The following NPR3 variants were observed in gnomAD, a reference collection of about 807,000 sequenced individuals.
NPR3 encodes natriuretic peptide receptor 3, also known as atrial natriuretic peptide receptor 3.
In NPR3, 34 loss-of-function variants were observed where a neutral mutation model predicts 54.5. The ratio of observed to expected loss-of-function variants is 0.62; its 90% CI spans 0.47 to 0.83. NPR3 has a LOEUF of 0.83. NPR3 is among the 40% of genes least tolerant of loss of function. The pLI is 0.00. For synonymous variants in NPR3, 289 were observed against 297.1 expected, an observed-to-expected ratio of 0.97 and a Z score of 0.28; for missense variants, 674 against 720.8, an observed-to-expected ratio of 0.94 and a Z score of 0.74.
intron 3 of NPR3, among the ~76,000 whole-genome samples, chr5:32,752,141 T>C (rs1740609599): frequency 6.6e-6 from 1 of 151,944 alleles, no homozygotes; most frequent in Non-Finnish European, 1.5e-5. Context: ...GAGGTGGAGG[T>C]TGCAGTGAGC....
chr5:32,776,609 GA>G (rs779951544), intron 4 of NPR3, among the ~76,000 whole-genome samples: 6 of 152,240 alleles, frequency 3.9e-5, no homozygotes, highest in Non-Finnish European at 7.3e-5. Context: ...ACTCAATATG[GA>G]AGTGATCTCA....
chr5:32,718,751 G>A (rs1212747566), intron 1 of NPR3, among the ~76,000 whole-genome samples: 2 of 152,186 alleles, frequency 1.3e-5, no homozygotes, highest in African/African-American at 2.4e-5. Flanking sequence ...ATTTTGGGCT[G>A]AGACAATGGG....
chr5:32,740,174 C>A (rs1387505876), intron 3 of NPR3, among the ~76,000 whole-genome samples: 2 of 152,236 alleles, frequency 1.3e-5, no homozygotes, highest in East Asian at 1.9e-4. Flanking sequence ...ACTTGAGGTA[C>A]CACAGAGTAC....
At chr5:32,762,732 C>A (rs1741243344) in intron 3 of NPR3, among the ~76,000 whole-genome samples, 1 of 151,988 alleles carries the variant, frequency 6.6e-6, no homozygotes, top group African/African-American at 2.4e-5. Flanking sequence ...TGAATATTAG[C>A]CCTTTGTCAG....
intron 4 of NPR3, among the ~76,000 whole-genome samples, chr5:32,778,709 C>A (rs1287497124): frequency 6.6e-6 from 1 of 152,212 alleles, no homozygotes; most frequent in South Asian, 2.1e-4. Flanking sequence ...ATGTACGATA[C>A]TCTCAGGTGA....
upstream of NPR3, among the ~76,000 whole-genome samples, chr5:32,705,627 C>T (rs1737965684): frequency 6.6e-6 from 1 of 152,124 alleles, no homozygotes; most frequent in African/African-American, 2.4e-5. Flanking sequence ...ACCATGACAG[C>T]ACCAAGGGGG....
intron 3 of NPR3, among the ~76,000 whole-genome samples, chr5:32,743,006 G>T (rs1480251852): frequency 6.6e-6 from 1 of 152,108 alleles, no homozygotes; most frequent in African/African-American, 2.4e-5. Context: ...TTCTGAAAAT[G>T]AAAAATTTGA....
chr5:32,761,695 T>C (rs1741168831), intron 3 of NPR3, among the ~76,000 whole-genome samples: 1 of 151,828 alleles, frequency 6.6e-6, no homozygotes, highest in South Asian at 2.1e-4. Context: ...TCTGCTGAGA[T>C]TACTCATATG....
chr5:32,756,700 T>A (rs550263346), intron 3 of NPR3, among the ~76,000 whole-genome samples: 2 of 152,330 alleles, frequency 1.3e-5, no homozygotes, highest in African/African-American at 2.4e-5. Context: ...CTGAATGGTA[T>A]TGCCTAGGTT....
rs183510782 is a variant in NPR3 at position 32,764,930 on chromosome 5, A to G, written c.1060-9778A>G. On this transcript the variant is annotated intron_variant, in intron 3 of 7. Coordinates refer to ENST00000265074, the MANE Select transcript of NPR3 (RefSeq NM_001204375.2). ...TAACAATAATTCTACTAATCACACC[A>G]AAAAGTTGCCAATGATTCCTTAATT... is the stretch of plus-strand genomic sequence containing the variant. Among the ~76,000 whole-genome samples the G allele has an allele frequency of 3.9e-5, 6 of 152,306 alleles. No homozygotes were observed. The East Asian group carries it at 1.2e-3, about 29-fold the overall frequency.
chr5:32,764,367 GT>G (rs1172909906), intron 3 of NPR3, among the ~76,000 whole-genome samples: 17 of 151,978 alleles, frequency 1.1e-4, no homozygotes, highest in Non-Finnish European at 4.4e-5. Flanking sequence ...GGGCCAGGGG[GT>G]ACCCTCAAGG....
chr5:32,757,101 C>T (rs1023990901), intron 3 of NPR3, among the ~76,000 whole-genome samples: 3 of 152,102 alleles, frequency 2.0e-5, no homozygotes, highest in African/African-American at 7.2e-5. Context: ...TTTTCTGGTT[C>T]CATATGAACT....
chr5:32,712,632 C>A, intron 1 of NPR3, 87 bp downstream of exon 1: 1 of 1,266,562 alleles, frequency 7.9e-7, no homozygotes, highest in Non-Finnish European at 1.1e-6. Flanking sequence ...CTGCAGACCC[C>A]ACTCCCCACT....
chr5:32,711,243 C>G (rs913528270), upstream of NPR3: 3 of 625,090 alleles, frequency 4.8e-6, no homozygotes, highest in Admixed American at 6.6e-5. Context: ...AACACAAGCC[C>G]GGCCTCGGCG....
In NPR3 at chr5:32,782,991, A is replaced by C. The variant is rs1222268799; in HGVS notation, c.1389A>C (p.Arg463=). 6.2e-7 allele frequency: 1 copy of C among 1,606,628 alleles called. No individual in the cohort carries two copies. The highest frequency in any genetic ancestry group is 1.1e-5 in the South Asian group (1 of 89,762). The change falls in exon 6 of 8, where the codon CGA becomes CGC. Residue 463 remains arginine, a synonymous_variant. Coordinates refer to ENST00000265074, the MANE Select transcript of NPR3 (RefSeq NM_001204375.2). ...GPLKLRIDEN[R]IVEHTNSSPC... is the part of the protein sequence containing the mutation. The stretch of plus-strand genomic sequence containing the variant: ...TAAAACTGAGAATAGATGAAAACCG[A>C]ATTGTAGAGCATACAAACAGCTCTC...
At chr5:32,782,599 A>G (rs1466312251) in intron 5 of NPR3, among the ~76,000 whole-genome samples, 1 of 152,164 alleles carries the variant, frequency 6.6e-6, no homozygotes. Context: ...CTGCTCTGGC[A>G]CGACCGCTCT....
At chr5:32,760,789 G>A (rs1482539789) in intron 3 of NPR3, among the ~76,000 whole-genome samples, 1 of 151,754 alleles carries the variant, frequency 6.6e-6, no homozygotes. Context: ...TTCTTTCAGA[G>A]CTTCATGAAA....
At chr5:32,729,314 C>T (rs934528662) in intron 2 of NPR3, among the ~76,000 whole-genome samples, 1 of 152,128 alleles carries the variant, frequency 6.6e-6, no homozygotes, top group Non-Finnish European at 1.5e-5. Context: ...CAGGCGTGAG[C>T]CACCGAGCCC....
intron 3 of NPR3, among the ~76,000 whole-genome samples, chr5:32,755,825 T>C (rs1487475335): frequency 6.6e-6 from 1 of 152,210 alleles, no homozygotes; most frequent in Non-Finnish European, 1.5e-5. Flanking sequence ...CATTGTTCAA[T>C]TCCCACCTAT....
Sources: gnomAD v4.1 joint callset for allele counts (sites outside exome capture counted in the v4.1 genomes callset) on GRCh38, gnomAD v4.1.1 for gene constraint, MANE v1.5 for transcripts, NCBI Gene and HGNC (gene_info 2026-07-23, HGNC 2026-07-21) for gene names.